Variants in OLFM3 observed in about 807,000 individuals in gnomAD.
OLFM3 encodes olfactomedin 3, also known as noelin-3.
OLFM3 carries 20 observed loss-of-function variants against 48.6 expected under a neutral mutation model. The ratio of observed to expected loss-of-function variants is 0.41; its 90% CI spans 0.29 to 0.60. The LOEUF is 0.60. Ranked by LOEUF, OLFM3 falls within the 20% of genes least tolerant of loss-of-function variation. OLFM3 has a pLI of 0.28. For missense variants in OLFM3, 437 were observed against 544.3 expected, an observed-to-expected ratio of 0.80 and a Z score of 1.96; for synonymous variants, 222 against 198.1, an observed-to-expected ratio of 1.12 and a Z score of -1.01.
chr1:101,813,155 G>C (rs765537997), intron 4 of OLFM3: 10 of 1,218,790 alleles, frequency 8.2e-6, no homozygotes, highest in Non-Finnish European at 9.7e-6. Flanking sequence ...AACTGGAAAG[G>C]AAATTTAAAG....
At chr1:101,953,973 AGAAT>A in intron 1 of OLFM3, among the ~76,000 whole-genome samples, 1 of 152,256 alleles carries the variant, frequency 6.6e-6, no homozygotes, top group South Asian at 2.1e-4. Context: ...TTGACAGCTA[AGAAT>A]GTAAGGAAAA....
intron 4 of OLFM3, chr1:101,812,818 T>G (rs2100872526): frequency 1.0e-6 from 1 of 992,016 alleles, no homozygotes; most frequent in African/African-American, 1.7e-5. Context: ...GACTCTTTTA[T>G]TTTGTACCTG....
intron 1 of OLFM3, chr1:101,837,981 CATTTCAACA>C (rs1028932202): frequency 6.6e-6 from 1 of 152,064 alleles, no homozygotes; most frequent in African/African-American, 2.4e-5. Flanking sequence ...TCACATATCT[CATTTCAACA>C]ATTAGCTTAT....
At chr1:101,812,757 C>T (rs1198029247) in intron 4 of OLFM3, 2 of 987,782 alleles carry the variant, frequency 2.0e-6, no homozygotes, top group Non-Finnish European at 2.4e-6. Context: ...AAGCTTCTGG[C>T]TCTTAAACTA....
At chr1:101,922,954 T>C (rs924345449) in intron 1 of OLFM3, among the ~76,000 whole-genome samples, 3 of 152,228 alleles carry the variant, frequency 2.0e-5, no homozygotes, top group Non-Finnish European at 4.4e-5. Context: ...GGAAGCTCTA[T>C]AAAGCAGTTG....
At chr1:101,812,712 C>T (rs1654128773) in intron 4 of OLFM3, 1 of 986,598 alleles carries the variant, frequency 1.0e-6, no homozygotes. Context: ...GTTGTTTCGG[C>T]CAAAACTTAG....
At chr1:101,890,773 A>T (rs946710300) in intron 1 of OLFM3, among the ~76,000 whole-genome samples, 3 of 152,036 alleles carry the variant, frequency 2.0e-5, no homozygotes, top group Non-Finnish European at 4.4e-5. Flanking sequence ...ACTCAATGAA[A>T]AAAGAACTAC....
At chr1:101,920,765 G>C (rs1291662739) in intron 1 of OLFM3, among the ~76,000 whole-genome samples, 1 of 152,184 alleles carries the variant, frequency 6.6e-6, no homozygotes, top group Non-Finnish European at 1.5e-5. Flanking sequence ...TGGTGCTTTA[G>C]TAAACAATAG....
chr1:101,879,992 A>G (rs184637946), intron 1 of OLFM3, among the ~76,000 whole-genome samples: 1 of 152,040 alleles, frequency 6.6e-6, no homozygotes, highest in East Asian at 1.9e-4. Context: ...ACAAGCATTC[A>G]GGCCTTTTAC....
At chr1:101,813,141 A>T in intron 4 of OLFM3, 1 of 1,266,488 alleles carries the variant, frequency 7.9e-7, no homozygotes, top group Non-Finnish European at 1.0e-6. Flanking sequence ...CTCTTTTTTA[A>T]ATCAACTGGA....
chr1:101,822,984 C>T (rs1214056551), intron 4 of OLFM3, among the ~76,000 whole-genome samples: 1 of 151,968 alleles, frequency 6.6e-6, no homozygotes, highest in Non-Finnish European at 1.5e-5. Flanking sequence ...TAAAAAGATG[C>T]ATTTCTTGTT....
intron 1 of OLFM3, among the ~76,000 whole-genome samples, chr1:101,950,177 C>T (rs982196533): frequency 3.9e-5 from 6 of 152,114 alleles, no homozygotes; most frequent in African/African-American, 1.4e-4. Context: ...CTCTAATCGC[C>T]TAGAAGTAAG....
At chr1:101,996,708 G>A (rs1452711452) in intron 1 of OLFM3, 40 bp downstream of exon 1, 1 of 1,591,464 alleles carries the variant, frequency 6.3e-7, no homozygotes, top group East Asian at 2.2e-5. Flanking sequence ...GTTACATATT[G>A]CACATTTATT....
intron 4 of OLFM3, among the ~76,000 whole-genome samples, chr1:101,823,096 G>C (rs527956113): frequency 6.6e-6 from 1 of 151,992 alleles, no homozygotes; most frequent in African/African-American, 2.4e-5. Flanking sequence ...TTATTCACCA[G>C]ATATTTATTG....
At chr1:101,974,933 C>A (rs983472502) in intron 1 of OLFM3, among the ~76,000 whole-genome samples, 1 of 152,088 alleles carries the variant, frequency 6.6e-6, no homozygotes, top group Non-Finnish European at 1.5e-5. Context: ...TTTATTCCAT[C>A]TTTCATAAAA....
At chr1:101,886,566 C>T (rs1233469382) in intron 1 of OLFM3, among the ~76,000 whole-genome samples, 1 of 152,056 alleles carries the variant, frequency 6.6e-6, no homozygotes, top group African/African-American at 2.4e-5. Context: ...TTGGGGGAAC[C>T]AGCCCCTGGC....
At chr1:101,959,880 G>A (rs763970476) in intron 1 of OLFM3, among the ~76,000 whole-genome samples, 6 of 152,102 alleles carry the variant, frequency 3.9e-5, no homozygotes, top group Non-Finnish European at 7.4e-5. Context: ...CGAGAAATAT[G>A]GCAAATGGAT....
At chr1:101,951,703 T>C (rs1228493435) in intron 1 of OLFM3, among the ~76,000 whole-genome samples, 1 of 152,192 alleles carries the variant, frequency 6.6e-6, no homozygotes, top group African/African-American at 2.4e-5. Context: ...CTATTCTTGA[T>C]AGACTTTGAA....
At chr1:101,933,002 G>A (rs1418368735) in intron 1 of OLFM3, among the ~76,000 whole-genome samples, 1 of 151,984 alleles carries the variant, frequency 6.6e-6, no homozygotes, top group African/African-American at 2.4e-5. Flanking sequence ...AGGAGATTGA[G>A]ACCATCCCGG....
Sources: allele counts gnomAD v4.1 joint callset (sites outside exome capture counted in the v4.1 genomes callset), GRCh38; gene constraint gnomAD v4.1.1; transcripts MANE v1.5; gene names NCBI Gene and HGNC (gene_info 2026-07-23, HGNC 2026-07-21).